UBE2E2: variants seen among roughly 807,000 people sequenced by gnomAD.
UBE2E2 encodes the protein ubiquitin-conjugating enzyme E2 E2.
A neutral mutation model predicts 24.7 loss-of-function variants in UBE2E2; 6 were observed. That is an observed-to-expected ratio of 0.24 (90% CI 0.13 to 0.48). The LOEUF is 0.48. Among genes scored for constraint, UBE2E2 ranks in the 20% least tolerant of loss-of-function variants. UBE2E2 has a pLI of 0.99. For missense variants in UBE2E2, 169 were observed against 245.0 expected, an observed-to-expected ratio of 0.69 and a Z score of 2.07; for synonymous variants, 104 against 83.6, an observed-to-expected ratio of 1.24 and a Z score of -1.33.
intron 4 of UBE2E2, among the ~76,000 whole-genome samples, chr3:23,516,858 A>G (rs1694753536): frequency 6.6e-6 from 1 of 152,110 alleles, no homozygotes. Flanking sequence ...TAATTGTGGG[A>G]CCTCTAGATA....
At chr3:23,315,247 C>T (rs1003453690) in intron 3 of UBE2E2, among the ~76,000 whole-genome samples, 2 of 151,834 alleles carry the variant, frequency 1.3e-5, no homozygotes, top group Non-Finnish European at 2.9e-5. Context: ...CACAGGCCCA[C>T]GGGGAGTACT....
chr3:23,515,819 GA>G (rs1224149555), intron 4 of UBE2E2, among the ~76,000 whole-genome samples: 1 of 149,560 alleles, frequency 6.7e-6, no homozygotes, highest in Non-Finnish European at 1.5e-5. Context: ...AAAAAGAAAA[GA>G]AAAAACGAGC....
intron 3 of UBE2E2, among the ~76,000 whole-genome samples, chr3:23,383,343 A>T (rs1696722429): frequency 6.6e-6 from 1 of 152,212 alleles, no homozygotes; most frequent in South Asian, 2.1e-4. Flanking sequence ...CCTTGAGGAA[A>T]ATCTGGCTTG....
chr3:23,541,670 T>G (rs1695399301), intron 5 of UBE2E2, among the ~76,000 whole-genome samples: 2 of 151,786 alleles, frequency 1.3e-5, no homozygotes, highest in African/African-American at 4.9e-5. Context: ...AAAGTTGAAT[T>G]TTTGGAAAAT....
intron 3 of UBE2E2, among the ~76,000 whole-genome samples, chr3:23,293,946 G>A (rs979438186): frequency 3.3e-5 from 5 of 152,126 alleles, no homozygotes; most frequent in Non-Finnish European, 7.4e-5. Flanking sequence ...CGAGCTCTTT[G>A]TCTCTTTAAA....
chr3:23,208,974 C>G (rs1696236636), intron 2 of UBE2E2, 99 bp downstream of exon 2: 1 of 1,257,614 alleles, frequency 8.0e-7, no homozygotes, highest in Non-Finnish European at 1.1e-6. Flanking sequence ...GGATGTCGGC[C>G]GTGAACTTCA....
chr3:23,392,496 G>C (rs906386352), intron 3 of UBE2E2, among the ~76,000 whole-genome samples: 1 of 151,276 alleles, frequency 6.6e-6, no homozygotes, highest in Non-Finnish European at 1.5e-5. Context: ...TCCTCTTATA[G>C]TTTAAAAAAA....
intron 3 of UBE2E2, among the ~76,000 whole-genome samples, chr3:23,326,502 C>T (rs183464316): frequency 6.6e-6 from 1 of 152,178 alleles, no homozygotes; most frequent in Non-Finnish European, 1.5e-5. Flanking sequence ...TTTTTATGTT[C>T]TTAAATTGGT....
chr3:23,378,381 T>C (rs553628943), intron 3 of UBE2E2, among the ~76,000 whole-genome samples: 1 of 152,288 alleles, frequency 6.6e-6, no homozygotes, highest in South Asian at 2.1e-4. Flanking sequence ...AATAATTCTG[T>C]GATGTTGATT....
chr3:23,408,262 A>T (rs1467234644), intron 3 of UBE2E2, among the ~76,000 whole-genome samples: 1 of 152,176 alleles, frequency 6.6e-6, no homozygotes, highest in Admixed American at 6.6e-5. Flanking sequence ...AGTGTCTGTA[A>T]AGAAATAAGA....
chr3:23,277,790 T>A (rs1406716420), intron 3 of UBE2E2, among the ~76,000 whole-genome samples: 1 of 152,192 alleles, frequency 6.6e-6, no homozygotes, highest in East Asian at 1.9e-4. Context: ...AAGATATTGG[T>A]GCCATTCAAA....
chr3:23,424,764 A>C (rs7628372), intron 3 of UBE2E2, among the ~76,000 whole-genome samples: 23,888 of 152,106 alleles, frequency 0.16, 2,121 homozygotes, highest in African/African-American at 0.23. Flanking sequence ...TTAAAGAAGT[A>C]TGATAGCTGA....
At chr3:23,470,679 C>T (rs747643839) in intron 3 of UBE2E2, among the ~76,000 whole-genome samples, 1 of 152,108 alleles carries the variant, frequency 6.6e-6, no homozygotes, top group African/African-American at 2.4e-5. Flanking sequence ...CACAGTTGAT[C>T]TTCTGGCAGC....
At chr3:23,255,238 T>G (rs1273950226) in intron 3 of UBE2E2, among the ~76,000 whole-genome samples, 1 of 150,908 alleles carries the variant, frequency 6.6e-6, no homozygotes, top group Non-Finnish European at 1.5e-5. Context: ...CACACACCAC[T>G]GTGCCCCGCT....
chr3:23,509,270 A>G lies in UBE2E2; in HGVS notation c.360+9530A>G, dbSNP rs1174044003. ...CCTAACCTTACAGGAAAGGGCTTTT[A>G]TGGAACCAGATCAAGACATGGAACA... On this transcript the variant is annotated intron_variant, in intron 4 of 5. Transcript: ENST00000396703. Among the ~76,000 whole-genome samples the G allele has an allele frequency of 2.0e-5, 3 of 152,346 alleles. No individual in the cohort carries two copies. In the South Asian group the frequency reaches 6.2e-4, roughly 32 times the overall value.
chr3:23,514,367 C>A (rs1694679171), intron 4 of UBE2E2, among the ~76,000 whole-genome samples: 1 of 152,178 alleles, frequency 6.6e-6, no homozygotes. Flanking sequence ...ATTGATGAAG[C>A]AAATGAATAT....
At chr3:23,340,641 G>GA (rs1695355571) in intron 3 of UBE2E2, among the ~76,000 whole-genome samples, 2 of 152,092 alleles carry the variant, frequency 1.3e-5, no homozygotes, top group South Asian at 4.2e-4. Flanking sequence ...TTTAAAACAA[G>GA]AAAAAAGAAA....
intron 5 of UBE2E2, among the ~76,000 whole-genome samples, chr3:23,586,039 C>A (rs930840773): frequency 1.3e-5 from 2 of 152,052 alleles, no homozygotes; most frequent in Admixed American, 6.6e-5. Flanking sequence ...TAAGCATATA[C>A]AATTTACCAT....
At chr3:23,328,624 T>C (rs2125298026) in intron 3 of UBE2E2, among the ~76,000 whole-genome samples, 1 of 152,184 alleles carries the variant, frequency 6.6e-6, no homozygotes, top group East Asian at 1.9e-4. Flanking sequence ...GTCACATCTG[T>C]AGATTCATTT....
Sources: gnomAD v4.1 joint callset for allele counts (sites outside exome capture counted in the v4.1 genomes callset) on GRCh38, gnomAD v4.1.1 for gene constraint, MANE v1.5 for transcripts, NCBI Gene and HGNC (gene_info 2026-07-23, HGNC 2026-07-21) for gene names.